Variants in CBARP observed in about 807,000 individuals in gnomAD.
CBARP encodes the protein voltage-dependent calcium channel beta subunit-associated regulatory protein.
In CBARP, 24 loss-of-function variants were observed where a neutral mutation model predicts 36.3. The observed-to-expected ratio is 0.66, with a 90% CI of 0.48 to 0.93. The LOEUF is 0.93. CBARP is among the 40% of genes least tolerant of loss of function. The probability of loss-of-function intolerance (pLI) is 0.00; values close to 1 mark genes in which losing one functional copy is unlikely to be tolerated. For missense variants in CBARP, 1,146 were observed against 980.4 expected (o/e 1.17, Z -2.26); for synonymous variants, 586 against 453.2 (o/e 1.29, Z -3.72).
chr19:1,233,167 C>T (rs1052626634), intron 8 of CBARP, among the ~76,000 whole-genome samples: 1 of 152,224 alleles, frequency 6.6e-6, no homozygotes, highest in Admixed American at 6.5e-5. Flanking sequence ...GGCCCGAGAG[C>T]AGTCGGGGCG....
At position 1,233,514 on chromosome 19, in the gene CBARP, A is replaced by T; in HGVS notation, c.891T>A (p.His297Gln). ...AGGGGCTGGCCCCATCCAGGCTGGC[A>T]TGGCGGCGCAGGCGGGTGAGGAACT... ...VLQFLTRLRRHASLDGASPYF... is the reference protein window; with the variant it reads ...VLQFLTRLRRQASLDGASPYF... Residue 297 changes from histidine to glutamine, a missense_variant, in exon 8 of 10, where the codon CAT becomes CAA. Transcript: ENST00000650044. 6.2e-7 allele frequency: 1 copy of T among 1,607,386 alleles called. No homozygotes were observed. Among genetic ancestry groups the T allele is most frequent in the South Asian group, 1.1e-5 (1 of 90,476 alleles).
chr19:1,232,727 G>C (rs1296644304), intron 8 of CBARP, among the ~76,000 whole-genome samples: 1 of 152,268 alleles, frequency 6.6e-6, no homozygotes, highest in Admixed American at 6.5e-5. Flanking sequence ...CTGCCCCGGA[G>C]CTTCGGTAAG....
At position 1,235,018 on chromosome 19, in the gene CBARP, C is replaced by T. The variant is rs746135247; in HGVS notation, c.438G>A (p.Thr146=). Reference sequence around the variant, plus strand: ...CCGCTTACCGGCGACCCTTGTCCTGCGTCTTGCGGCTCTGCTCAAACAGCG... The same window carrying T: ...CCGCTTACCGGCGACCCTTGTCCTGTGTCTTGCGGCTCTGCTCAAACAGCG... ...EAALFEQSRK[T]QDKGRRYTLT... is the part of the protein sequence containing the mutation. Residue 146 remains threonine, a synonymous_variant, in exon 5 of 10, where the codon ACG becomes ACA. Transcript: ENST00000650044. The T allele has an allele frequency of 5.0e-6, 8 of 1,608,676 alleles. No homozygotes were observed. The Admixed American group carries it at 6.7e-5, about 13-fold the overall frequency.
chr19:1,236,180 G>A (rs1473818808), intron 1 of CBARP, 59 bp from the exon 2 acceptor site: 36 of 1,363,146 alleles, frequency 2.6e-5, no homozygotes, highest in Non-Finnish European at 3.3e-5. Context: ...AGGAGCCACT[G>A]CAGACAAGCT....
Position 1,229,312 on chromosome 19 carries a change from G to A in CBARP, c.1985C>T (p.Ser662Phe). ...CGCCAGCTTGTCCAGCACCGACCCGGATGGTAGGACGCACAGGCCCGAGCC... is the reference window on the plus strand; with the variant it reads ...CGCCAGCTTGTCCAGCACCGACCCGAATGGTAGGACGCACAGGCCCGAGCC... ...CPGSGLCVLPSGSVLDKLAAG... is the reference protein window; with the variant it reads ...CPGSGLCVLPFGSVLDKLAAG... Residue 662 changes from serine (S) to phenylalanine (F), a missense_variant, in exon 10 of 10, where the codon TCC becomes TTC. By Grantham distance (155) the Ser-to-Phe change is radical. Coordinates refer to ENST00000650044, the MANE Select transcript of CBARP (RefSeq NM_001393918.1). This position sits in a 1 kb window ranked among gnomAD's most constrained non-coding sequence, Gnocchi z 5.1. 1 of 1,253,628 alleles carries A rather than the reference G, an allele frequency of 8.0e-7. No homozygotes were observed. 77.7% of individuals were successfully genotyped at this position (1,253,628 alleles called of 1,614,324 possible).
At position 1,235,251 on chromosome 19, in the gene CBARP, G is replaced by A. The variant is rs375324814; in HGVS notation, c.311-106C>T. ...GGCCACGGCAGGGAGGGCTGGGGCC[G>A]CGGCACGGGCGGCCGGGCTGGCGGG... On this transcript the variant is annotated intron_variant, in intron 4 of 9. Coordinates refer to ENST00000650044, the MANE Select transcript of CBARP (RefSeq NM_001393918.1). 42 of 1,247,924 alleles carry A rather than the reference G, an allele frequency of 3.4e-5. 1 individual carries two copies. The highest frequency in any genetic ancestry group is 1.6e-4 in the East Asian group (5 of 31,784). The allele number at this position is 1,247,924 out of a possible 1,614,324, so 77.3% of individuals were successfully genotyped here.
intron 7 of CBARP, 34 bp downstream of exon 7, chr19:1,234,157 G>C: frequency 1.4e-6 from 2 of 1,467,548 alleles, no homozygotes; most frequent in Non-Finnish European, 1.8e-6. Flanking sequence ...CTCCCCGGCT[G>C]TGGACACCAT....
chr19:1,231,562 G>GC (rs1218668838), intron 8 of CBARP, among the ~76,000 whole-genome samples: 9 of 50,990 alleles, frequency 1.8e-4, no homozygotes, highest in South Asian at 6.5e-4. Flanking sequence ...ACACGCCTGT[G>GC]CCCCCCCCAC....
chr19:1,232,480 C>T (rs553028665), intron 8 of CBARP, among the ~76,000 whole-genome samples: 4 of 152,266 alleles, frequency 2.6e-5, no homozygotes, highest in South Asian at 2.1e-4. Flanking sequence ...CAAGGCAGAG[C>T]GGGCCCCAGC....
rs765709603 is a variant in CBARP, at chr19:1,230,981, G to A, written c.1154+120C>T. ...GCCTCTGGGAGGGGCCTTGCCGCTG[G>A]AGGCAGGCGAGCGCGTGTCCACGGG... On this transcript the variant is annotated intron_variant, in intron 9 of 9. Coordinates refer to ENST00000650044, the MANE Select transcript of CBARP (RefSeq NM_001393918.1). 4.5e-6 allele frequency: 7 copies of A among 1,554,912 alleles called. No homozygotes were observed. The East Asian group carries it at 6.8e-5, about 15-fold the overall frequency.
In CBARP at chr19:1,234,729, C is replaced by T; in HGVS notation, c.469G>A (p.Glu157Lys). The part of the protein sequence containing the change: ...QDKGRRYTLT[E>K]GDFHHLKNAR... Reference sequence around the variant, plus strand: ...TTCTTCAGGTGGTGGAAGTCCCCCTCCGTCAGTGTGTACCTGCGACAGCAT... The same window carrying T: ...TTCTTCAGGTGGTGGAAGTCCCCCTTCGTCAGTGTGTACCTGCGACAGCAT... Residue 157 changes from glutamate to lysine, a missense_variant, in exon 6 of 10, where the codon GAG becomes AAG. Transcript: ENST00000650044. The T allele has an allele frequency of 2.5e-6, 4 of 1,612,846 alleles. No homozygotes were observed. The highest frequency in any genetic ancestry group is 3.4e-6 in the Non-Finnish European group (4 of 1,179,662).
At chr19:1,234,135 AG>A in intron 7 of CBARP, 55 bp downstream of exon 7, 1 of 1,431,584 alleles carries the variant, frequency 7.0e-7, no homozygotes, top group East Asian at 2.6e-5. Flanking sequence ...GGGGACAGGG[AG>A]GGGAAGGAGC....
intron 4 of CBARP, 162 bp from the exon 5 acceptor site, chr19:1,235,307 C>T: frequency 9.6e-7 from 1 of 1,044,212 alleles, no homozygotes; most frequent in Non-Finnish European, 1.3e-6. Flanking sequence ...CGCTCACACA[C>T]TCACTCGCTC....
In CBARP at chr19:1,237,963, C is replaced by G. The variant is rs1029574192; in HGVS notation, c.-229G>C. 6 of 146,854 alleles carry G rather than the reference C, an allele frequency of 4.1e-5. No homozygotes were observed. The highest frequency in any genetic ancestry group is 1.9e-4 in the East Asian group (1 of 5,146). 9.1% of individuals were successfully genotyped at this position (146,854 alleles called of 1,614,324 possible). ...CCCGCTCCGCGCGCCCGGTGCTGCCCGGTCCCCGGCCCGCCGCCCCCGCTG... is the reference window on the plus strand; with the variant it reads ...CCCGCTCCGCGCGCCCGGTGCTGCCGGGTCCCCGGCCCGCCGCCCCCGCTG... On this transcript the variant is annotated 5_prime_UTR_variant, in exon 1 of 10. Transcript: ENST00000650044.
At chr19:1,230,259 G>T in intron 9 of CBARP, 117 bp from the exon 10 acceptor site, 1 of 992,540 alleles carries the variant, frequency 1.0e-6, no homozygotes, top group South Asian at 4.4e-5. Context: ...ACTCGGGCGG[G>T]CCTTGGAAGG....
At chr19:1,238,420 T>TGGAG (rs1013356394), upstream of CBARP, 2 of 152,790 alleles carry the variant, frequency 1.3e-5, no homozygotes, top group African/African-American at 4.8e-5. Context: ...TCTGGCACTG[T>TGGAG]GGAGGACTCG....
Position 1,230,035 on chromosome 19 carries a change from G to A in CBARP, c.1262C>T (p.Ala421Val), listed in dbSNP as rs1381639872. 1.6e-6 allele frequency: 2 copies of A among 1,224,082 alleles called. No individual in the cohort carries two copies. Among genetic ancestry groups the A allele is most frequent in the Non-Finnish European group, 2.1e-6 (2 of 960,710 alleles). The allele number at this position is 1,224,082 out of a possible 1,614,324, so 75.8% of individuals were successfully genotyped here. A position where few individuals can be genotyped will look rare whatever the true frequency, so the allele number is the denominator to read the frequency against. The change falls in exon 10 of 10, where the codon GCC becomes GTC. Residue 421 changes from alanine to valine, a missense_variant. Coordinates refer to ENST00000650044, the MANE Select transcript of CBARP (RefSeq NM_001393918.1). ...CTGCTCGGGGCCCGCGTCCCGCTCG[G>A]CGTCCGGCTCCAGTGGCGGCTGCTG... ...EQQQPPLEPD[A>V]ERDAGPEQAQ...
Position 1,231,268 on chromosome 19 carries a change from G to C in CBARP, c.987C>G (p.Pro329=). The part of the protein sequence containing the change: ...RAASLDTRGS[P]KRHHFQRQRA... ...GCTGCCGCTGGAAGTGGTGCCGCTT[G>C]GGGGAACCTGCGCACGGGATGTGCC... Residue 329 remains proline, a synonymous_variant, in exon 9 of 10, where the codon CCC becomes CCG. Coordinates refer to ENST00000650044, the MANE Select transcript of CBARP (RefSeq NM_001393918.1). 6.2e-7 allele frequency: 1 copy of C among 1,600,412 alleles called. No individual in the cohort carries two copies. Among genetic ancestry groups the C allele is most frequent in the South Asian group, 1.1e-5 (1 of 91,050 alleles).
chr19:1,229,577 GCGCGCGGGCGCGGTGT>G lies in CBARP; in HGVS notation c.1704_1719del (p.His569ThrfsTer254). 1 of 1,137,854 alleles carries G rather than the reference GCGCGCGGGCGCGGTGT, an allele frequency of 8.8e-7. No homozygotes were observed. The highest frequency in any genetic ancestry group is 1.1e-6 in the Non-Finnish European group (1 of 914,350). 70.5% of individuals were successfully genotyped at this position (1,137,854 alleles called of 1,614,324 possible). A position where few individuals can be genotyped will look rare whatever the true frequency, so the allele number is the denominator to read the frequency against. On this transcript the variant is annotated frameshift_variant, in exon 10 of 10. Coordinates refer to ENST00000650044, the MANE Select transcript of CBARP (RefSeq NM_001393918.1). LOFTEE classifies it low-confidence loss of function (END_TRUNC). The surrounding 1 kb of genome is among the most constrained non-coding windows in gnomAD (Gnocchi z 5.1). ...TGCCACTGTTTGCGGGCGTGCGGGT[GCGCGCGGGCGCGGTGT>G]CGCGCGGCAGCCGGCGTGTCGTCGA...
Sources: gnomAD v4.1 joint callset for allele counts (sites outside exome capture counted in the v4.1 genomes callset) on GRCh38, gnomAD v4.1.1 for gene constraint, Gnocchi (gnomAD v3.1) non-coding constraint, MANE v1.5 for transcripts, NCBI Gene and HGNC (gene_info 2026-07-23, HGNC 2026-07-21) for gene names.